Variants in NCEH1 observed in about 807,000 individuals in gnomAD.
The protein encoded by NCEH1 is neutral cholesterol ester hydrolase 1, also known as 2-acetyl MAGE hydrolase.
A neutral mutation model predicts 25.4 loss-of-function variants in NCEH1; 9 were observed. The observed-to-expected ratio is 0.35, with a 90% confidence interval of 0.21 to 0.62. NCEH1 has a LOEUF of 0.62. NCEH1 is among the 20% of genes least tolerant of loss of function. The pLI, the probability that NCEH1 is intolerant of heterozygous loss-of-function variation, is 0.72. For missense variants in NCEH1, 412 were observed against 501.1 expected (o/e 0.82, Z 1.70); for synonymous variants, 200 against 199.8 (o/e 1.00, Z -0.01).
At chr3:172,710,077 G>C (rs958044695) in intron 1 of NCEH1, among the ~76,000 whole-genome samples, 1 of 152,234 alleles carries the variant, frequency 6.6e-6, no homozygotes, top group African/African-American at 2.4e-5. Context: ...CCATGATACA[G>C]TGGAGAGAAA....
intron 1 of NCEH1, among the ~76,000 whole-genome samples, chr3:172,690,329 G>A (rs552136707): frequency 1.3e-5 from 2 of 152,204 alleles, no homozygotes; most frequent in South Asian, 4.1e-4. Context: ...TTCATTGAAG[G>A]AATGAACAAG....
chr3:172,689,782 A>C (rs1712925872), intron 1 of NCEH1, among the ~76,000 whole-genome samples: 1 of 151,794 alleles, frequency 6.6e-6, no homozygotes, highest in Non-Finnish European at 1.5e-5. Flanking sequence ...AAAATTGGAA[A>C]GACTGAGAGT....
chr3:172,698,326 A>C (rs534108581), intron 1 of NCEH1, among the ~76,000 whole-genome samples: 1 of 152,166 alleles, frequency 6.6e-6, no homozygotes, highest in Non-Finnish European at 1.5e-5. Context: ...GGAAGCCCGG[A>C]TAATTGCTGT....
At chr3:172,703,306 C>A (rs1713800212) in intron 1 of NCEH1, 1 of 151,970 alleles carries the variant, frequency 6.6e-6, no homozygotes, top group Non-Finnish European at 1.5e-5. Context: ...GGGTGGATAA[C>A]CTGAGGTCAG....
intron 2 of NCEH1, among the ~76,000 whole-genome samples, chr3:172,646,972 C>T (rs2108495959): frequency 6.6e-6 from 1 of 152,176 alleles, no homozygotes; most frequent in African/African-American, 2.4e-5. Flanking sequence ...CCAGCAAACC[C>T]CTTGGTCTCG....
chr3:172,640,739 C>A (rs967877517), intron 3 of NCEH1, among the ~76,000 whole-genome samples: 12 of 152,166 alleles, frequency 7.9e-5, no homozygotes, highest in Admixed American at 7.2e-4. Flanking sequence ...GATCTCCTGA[C>A]CTCGTGATCC....
intron 1 of NCEH1, among the ~76,000 whole-genome samples, chr3:172,664,726 C>T (rs944365975): frequency 2.6e-5 from 4 of 152,090 alleles, no homozygotes; most frequent in African/African-American, 9.7e-5. Context: ...AATCACTGAC[C>T]CCCTTCTTCC....
chr3:172,653,731 TTCTG>T (rs1717524573), intron 1 of NCEH1, among the ~76,000 whole-genome samples: 1 of 70,722 alleles, frequency 1.4e-5, no homozygotes, highest in Admixed American at 1.8e-4. Flanking sequence ...GTTGTTGTTG[TTCTG>T]TTTTTTTTGT....
In NCEH1 at chr3:172,689,707, G is replaced by A. The variant is rs1455195553; in HGVS notation, c.138+21140C>T. Among the ~76,000 whole-genome samples, 7 of 148,936 alleles carry A rather than the reference G, an allele frequency of 4.7e-5. No homozygotes were observed. The East Asian group carries it at 1.5e-3, about 31-fold the overall frequency. ...GCCTGGAGTGACAGCCTGGGTGACAGAGCCAAACTCCATCTCAAAATAAAA... is the reference window on the plus strand; with the variant it reads ...GCCTGGAGTGACAGCCTGGGTGACAAAGCCAAACTCCATCTCAAAATAAAA... On this transcript the variant is annotated intron_variant, in intron 1 of 4. Coordinates refer to ENST00000475381, the MANE Select transcript of NCEH1 (RefSeq NM_020792.6).
chr3:172,674,927 C>T (rs546085004), intron 1 of NCEH1, among the ~76,000 whole-genome samples: 11 of 152,182 alleles, frequency 7.2e-5, no homozygotes, highest in Non-Finnish European at 1.2e-4. Flanking sequence ...ACTATCATTA[C>T]GTTTAATAGG....
At chr3:172,667,183 A>G (rs1486729553) in intron 1 of NCEH1, among the ~76,000 whole-genome samples, 1 of 152,180 alleles carries the variant, frequency 6.6e-6, no homozygotes, top group Admixed American at 6.5e-5. Context: ...TTTTAGTCTC[A>G]ATGCGTCCCA....
chr3:172,636,203 G>A (rs1249833993), intron 3 of NCEH1, 116 bp from the exon 4 acceptor site: 10 of 564,222 alleles, frequency 1.8e-5, no homozygotes, highest in South Asian at 7.4e-5. Flanking sequence ...TTAATTCAAT[G>A]GAATTATTGT....
intron 3 of NCEH1, among the ~76,000 whole-genome samples, chr3:172,638,920 A>G (rs1716724253): frequency 6.6e-6 from 1 of 152,208 alleles, no homozygotes; most frequent in Non-Finnish European, 1.5e-5. Flanking sequence ...TCCTGGTGCC[A>G]TAAAGATCCA....
Position 172,636,806 on chromosome 3 carries a change from T to G in NCEH1, c.438-719A>C, listed in dbSNP as rs558289584. 2.6e-5 allele frequency among the ~76,000 whole-genome samples: 4 copies of G among 152,316 alleles called. No individual in the cohort carries two copies. In the East Asian group the frequency reaches 7.7e-4, roughly 29 times the overall value. On this transcript the variant is annotated intron_variant, in intron 3 of 4. Coordinates refer to ENST00000475381, the MANE Select transcript of NCEH1 (RefSeq NM_020792.6). ...TAGTAGAATTCATATCCCCTTAAGA[T>G]TCCCAGAAAGCTCTGGTTTTGTCAA...
At position 172,675,331 on chromosome 3, in the gene NCEH1, A is replaced by AATTAATTAATT. The variant is rs1553835617; in HGVS notation, c.139-27218_139-27217insAATTAATTAAT. On this transcript the variant is annotated intron_variant, in intron 1 of 4. Transcript: ENST00000475381. ...TAAATAAATAAATAAATAAATAAAT[A>AATTAATTAATT]AATAAATAAATGATTTTGTGAGTTG... Among the ~76,000 whole-genome samples the AATTAATTAATT allele has an allele frequency of 2.5e-3, 378 of 150,476 alleles. 2 individuals are homozygous for AATTAATTAATT. The highest frequency in any genetic ancestry group is 0.01 in the Middle Eastern group (3 of 292).
intron 1 of NCEH1, among the ~76,000 whole-genome samples, chr3:172,650,310 C>T (rs1446036805): frequency 6.6e-6 from 1 of 152,042 alleles, no homozygotes; most frequent in Non-Finnish European, 1.5e-5. Flanking sequence ...AGAGACCAGC[C>T]TGGCCAACAT....
At chr3:172,656,485 G>C (rs1717700784) in intron 1 of NCEH1, among the ~76,000 whole-genome samples, 2 of 152,124 alleles carry the variant, frequency 1.3e-5, no homozygotes, top group African/African-American at 2.4e-5. Context: ...GTGACTTTTT[G>C]GCTGGGCGCA....
chr3:172,655,803 T>C (rs1288857121), intron 1 of NCEH1, among the ~76,000 whole-genome samples: 1 of 152,160 alleles, frequency 6.6e-6, no homozygotes, highest in Non-Finnish European at 1.5e-5. Context: ...AAAGTTAATT[T>C]GCTCAGGTAA....
chr3:172,688,330 CAA>C (rs11376665), intron 1 of NCEH1, among the ~76,000 whole-genome samples: 3 of 66,230 alleles, frequency 4.5e-5, no homozygotes, highest in South Asian at 7.1e-4. Flanking sequence ...AACTCCACCT[CAA>C]AAAAAAAAAA....
Sources: allele counts gnomAD v4.1 joint callset (sites outside exome capture counted in the v4.1 genomes callset), GRCh38; gene constraint gnomAD v4.1.1; transcripts MANE v1.5; gene names NCBI Gene and HGNC (gene_info 2026-07-23, HGNC 2026-07-21).